Variants in GLYATL2 observed in about 807,000 individuals in gnomAD.
GLYATL2 encodes glycine N-acyltransferase-like protein 2.
In GLYATL2, 25 loss-of-function variants were observed where a neutral mutation model predicts 21.4. The observed-to-expected ratio is 1.17, with a 90% CI of 0.85 to 1.63. The LOEUF (loss-of-function observed/expected upper bound fraction) is 1.63. Ranked by LOEUF, GLYATL2 falls within the 40% of genes most tolerant of loss-of-function variation. The pLI is 0.00. For missense variants in GLYATL2, 361 were observed against 343.3 expected (o/e 1.05, Z -0.41); for synonymous variants, 114 against 118.2 (o/e 0.96, Z 0.23).
At chr11:58,887,765 T>C (rs1359576803) in intron 1 of GLYATL2, among the ~76,000 whole-genome samples, 1 of 152,202 alleles carries the variant, frequency 6.6e-6, no homozygotes, top group Admixed American at 6.5e-5. Context: ...AAATTGTTCA[T>C]ACTTCTTTGC....
At chr11:58,889,063 C>A (rs1438574415) in intron 1 of GLYATL2, among the ~76,000 whole-genome samples, 2 of 151,518 alleles carry the variant, frequency 1.3e-5, no homozygotes, top group Non-Finnish European at 3.0e-5. Context: ...TGCCATCTGG[C>A]AAAATTTTAT....
Position 58,837,052 on chromosome 11 carries a change from C to T in GLYATL2, c.439G>A (p.Asp147Asn), listed in dbSNP as rs555012183. 3.7e-6 allele frequency: 6 copies of T among 1,613,730 alleles called. No homozygotes were observed. Among genetic ancestry groups the T allele is most frequent in the Non-Finnish European group, 4.2e-6 (5 of 1,179,734 alleles). ...LPKKHKTSSN[D>N]KMELFEVDDD... ...TCCACTTCAAATAACTCCATCTTGT[C>T]ATTACTTGAGGTCTTGTGTTTCTTT... Residue 147 changes from aspartate to asparagine, a missense_variant, in exon 5 of 6, where the codon GAC (aspartate) becomes AAC (asparagine). Coordinates refer to ENST00000287275, the MANE Select transcript of GLYATL2 (RefSeq NM_145016.4).
intron 1 of GLYATL2, among the ~76,000 whole-genome samples, chr11:58,883,849 C>T (rs997707361): frequency 6.6e-6 from 1 of 152,172 alleles, no homozygotes; most frequent in African/African-American, 2.4e-5. Flanking sequence ...TCCAGCAGCA[C>T]ATCAAAAAGC....
intron 1 of GLYATL2, among the ~76,000 whole-genome samples, chr11:58,882,180 A>T (rs1465970317): frequency 3.3e-5 from 5 of 152,230 alleles, no homozygotes; most frequent in Non-Finnish European, 5.9e-5. Context: ...TGGCTGAACT[A>T]GTTTACACTC....
rs773639109 is a variant in GLYATL2, at chr11:58,834,499, T to C, written c.815A>G (p.Asn272Ser). Residue 272 changes from asparagine (N) to serine (S), a missense_variant, in exon 6 of 6, where the codon AAC (asparagine) becomes AGC (serine). Asn to Ser is a conservative substitution (Grantham distance 46). Coordinates refer to ENST00000287275, the MANE Select transcript of GLYATL2 (RefSeq NM_145016.4). ...AGGACAAATCTTAAACCCCAAATTG[T>C]TCAGTGCCTGTAGGCTTTTCTCATT... ...DNNEKSLQALNNLGFKICPCG... is the reference protein window; with the variant it reads ...DNNEKSLQALSNLGFKICPCG... 1 of 1,613,540 alleles carries C rather than the reference T, an allele frequency of 6.2e-7. No homozygotes were observed. Among genetic ancestry groups the C allele is most frequent in the South Asian group, 1.1e-5 (1 of 90,900 alleles).
At chr11:58,858,021 T>A (rs1853862655) in intron 1 of GLYATL2, among the ~76,000 whole-genome samples, 1 of 152,100 alleles carries the variant, frequency 6.6e-6, no homozygotes, top group African/African-American at 2.4e-5. Flanking sequence ...AAAGAAAACA[T>A]TTAAAACACA....
At position 58,837,014 on chromosome 11, in the gene GLYATL2, C is replaced by A. The variant is rs747360321; in HGVS notation, c.476+1G>T. ...TTGGGAAGCAAAAGGTAAAATCTCA[C>A]TTGTTATCATCATCCACTTCAAATA... On this transcript the variant is annotated splice_donor_variant, in intron 5 of 5. Transcript: ENST00000287275. LOFTEE classifies it high-confidence loss of function. 1.4e-5 allele frequency: 23 copies of A among 1,611,174 alleles called. No individual in the cohort carries two copies. The Admixed American group carries it at 3.9e-4, about 27-fold the overall frequency.
chr11:58,846,017 A>G (rs1453547721), upstream of GLYATL2, among the ~76,000 whole-genome samples: 4 of 150,598 alleles, frequency 2.7e-5, no homozygotes, highest in African/African-American at 9.8e-5. Context: ...AAAGAATTTT[A>G]CATATTCATA....
chr11:58,909,062 A>G (rs1052112154), upstream of GLYATL2, among the ~76,000 whole-genome samples: 2 of 152,228 alleles, frequency 1.3e-5, no homozygotes, highest in Admixed American at 1.3e-4. Context: ...TTTGTTCAAA[A>G]TATGGAAAAT....
intron 1 of GLYATL2, among the ~76,000 whole-genome samples, chr11:58,866,687 CT>C (rs959273065): frequency 6.7e-6 from 1 of 149,258 alleles, no homozygotes; most frequent in African/African-American, 2.4e-5. Flanking sequence ...GTCTGAGAGT[CT>C]CTTGGTCAGT....
intron 1 of GLYATL2, among the ~76,000 whole-genome samples, chr11:58,860,249 A>T (rs1853907675): frequency 1.3e-5 from 2 of 152,136 alleles, no homozygotes; most frequent in African/African-American, 4.8e-5. Flanking sequence ...TCTGTAAATA[A>T]GGAATATTTT....
At chr11:58,846,228 T>C (rs1853641443), upstream of GLYATL2, among the ~76,000 whole-genome samples, 1 of 151,896 alleles carries the variant, frequency 6.6e-6, no homozygotes, top group African/African-American at 2.4e-5. Flanking sequence ...TCTTGAGCCA[T>C]TAAATTTTTT....
intron 1 of GLYATL2, among the ~76,000 whole-genome samples, chr11:58,872,385 C>T (rs959169936): frequency 2.0e-5 from 3 of 152,188 alleles, no homozygotes; most frequent in African/African-American, 4.8e-5. Flanking sequence ...ATGGTATTCC[C>T]TAGGTTTTCT....
chr11:58,886,328 A>T (rs930312144), intron 1 of GLYATL2, among the ~76,000 whole-genome samples: 1 of 152,196 alleles, frequency 6.6e-6, no homozygotes, highest in South Asian at 2.1e-4. Flanking sequence ...TCAACAGAAC[A>T]CTCTTATTAA....
At chr11:58,853,534 C>T (rs943642105) in intron 1 of GLYATL2, among the ~76,000 whole-genome samples, 6 of 152,104 alleles carry the variant, frequency 3.9e-5, no homozygotes, top group Non-Finnish European at 7.4e-5. Context: ...CTGGAAGTAT[C>T]ATATGTTTGG....
chr11:58,896,972 A>G (rs1488987415), intron 1 of GLYATL2, among the ~76,000 whole-genome samples: 2 of 152,110 alleles, frequency 1.3e-5, no homozygotes, highest in Non-Finnish European at 2.9e-5. Flanking sequence ...TTTGCCTCAT[A>G]CAGTTGCCCT....
chr11:58,859,757 C>T (rs1853898848), intron 1 of GLYATL2, among the ~76,000 whole-genome samples: 1 of 152,098 alleles, frequency 6.6e-6, no homozygotes, highest in Non-Finnish European at 1.5e-5. Context: ...TCAGGTCCTA[C>T]CTTTAAGTCC....
intron 1 of GLYATL2, among the ~76,000 whole-genome samples, chr11:58,881,308 A>C (rs988112667): frequency 6.6e-6 from 1 of 152,206 alleles, no homozygotes; most frequent in Admixed American, 6.5e-5. Flanking sequence ...ACAGAACTGA[A>C]ATTTGGAACC....
chr11:58,868,500 G>A (rs1460991578), intron 1 of GLYATL2, among the ~76,000 whole-genome samples: 2 of 148,980 alleles, frequency 1.3e-5, no homozygotes, highest in Non-Finnish European at 3.0e-5. Context: ...ATTTGAGACC[G>A]AACTTGCATC....
Sources: allele counts gnomAD v4.1 joint callset (sites outside exome capture counted in the v4.1 genomes callset), GRCh38; gene constraint gnomAD v4.1.1; transcripts MANE v1.5; gene names NCBI Gene and HGNC (gene_info 2026-07-23, HGNC 2026-07-21).